UGT8: variants seen among roughly 807,000 people sequenced by gnomAD.
UGT8 encodes the protein UDP glycosyltransferase 8.
A neutral mutation model predicts 40.5 loss-of-function variants in UGT8; 12 were observed. The observed-to-expected ratio is 0.30, with a 90% CI of 0.19 to 0.48. UGT8 has a LOEUF of 0.48. Ranked by LOEUF, UGT8 falls within the 20% of genes least tolerant of loss-of-function variation. The pLI is 0.99. For missense variants in UGT8, 513 were observed against 648.7 expected (o/e 0.79, Z 2.27); for synonymous variants, 224 against 240.4 (o/e 0.93, Z 0.63).
intron 2 of UGT8, 183 bp downstream of exon 2, chr4:114,623,885 G>A (rs1732015662): frequency 2.5e-6 from 1 of 400,432 alleles, no homozygotes; most frequent in African/African-American, 2.2e-5. Flanking sequence ...AAACATTCCT[G>A]CTTTGAATGA....
rs755616034 is a variant in UGT8 at position 114,623,678 on chromosome 4, C to A, written c.798C>A (p.Thr266=). 6 of 1,598,892 alleles carry A rather than the reference C, an allele frequency of 3.8e-6. No individual in the cohort carries two copies. In the Admixed American group the frequency reaches 5.0e-5, roughly 13 times the overall value. ...PNVVYVGGIL[T]KPASPLPEDL... is the part of the protein sequence containing the mutation. ...TTGTTTATGTAGGAGGAATCCTAAC[C>A]AAACCAGCCAGCCCACTACCAGAAG... Residue 266 remains threonine (T), a synonymous_variant, in exon 2 of 6, where the codon ACC becomes ACA. Coordinates refer to ENST00000310836, the MANE Select transcript of UGT8 (RefSeq NM_001128174.3).
intron 2 of UGT8, among the ~76,000 whole-genome samples, chr4:114,644,440 C>A (rs993540255): frequency 6.6e-6 from 1 of 152,056 alleles, no homozygotes; most frequent in Non-Finnish European, 1.5e-5. Flanking sequence ...GGAAGGCTTC[C>A]TGGACCCTTT....
chr4:114,662,089 T>G (rs1269823191), intron 2 of UGT8, among the ~76,000 whole-genome samples: 1 of 152,224 alleles, frequency 6.6e-6, no homozygotes, highest in Non-Finnish European at 1.5e-5. Context: ...ATTGATATAG[T>G]CTCTATTTCT....
At chr4:114,625,799 T>C (rs1578418935) in intron 2 of UGT8, among the ~76,000 whole-genome samples, 1 of 152,150 alleles carries the variant, frequency 6.6e-6, no homozygotes, top group Non-Finnish European at 1.5e-5. Context: ...ATCTTTTTAG[T>C]GGTTTTTGGT....
At chr4:114,611,011 A>AAT (rs1365538655) in intron 1 of UGT8, among the ~76,000 whole-genome samples, 2 of 152,114 alleles carry the variant, frequency 1.3e-5, no homozygotes, top group Non-Finnish European at 1.5e-5. Context: ...CCTACATGTG[A>AAT]ATATGTTTCA....
intron 1 of UGT8, among the ~76,000 whole-genome samples, chr4:114,604,338 T>A (rs1027167662): frequency 2.0e-5 from 3 of 152,180 alleles, no homozygotes; most frequent in African/African-American, 7.2e-5. Flanking sequence ...AAAATGTAAT[T>A]TAATATTTGA....
chr4:114,648,370 GGT>G (rs1491471399), intron 2 of UGT8, among the ~76,000 whole-genome samples: 62 of 84,230 alleles, frequency 7.4e-4, no homozygotes, highest in Middle Eastern at 6.4e-3. Context: ...CAGAAAATCT[GGT>G]TTTTTTTTTT....
intron 2 of UGT8, among the ~76,000 whole-genome samples, chr4:114,624,252 A>G (rs1487922930): frequency 6.6e-6 from 1 of 152,234 alleles, no homozygotes; most frequent in Non-Finnish European, 1.5e-5. Context: ...TAAGGAAAGC[A>G]TGCTCTATTG....
At chr4:114,611,320 A>G (rs957186955) in intron 1 of UGT8, among the ~76,000 whole-genome samples, 1 of 150,482 alleles carries the variant, frequency 6.6e-6, no homozygotes, top group African/African-American at 2.4e-5. Flanking sequence ...ATGCGTGGAG[A>G]TAACTGTACC....
chr4:114,622,863 C>T lies in UGT8; in HGVS notation c.-2-16C>T, dbSNP rs1465516232. The T allele has an allele frequency of 1.9e-6, 3 of 1,579,986 alleles. No individual in the cohort carries two copies. The highest frequency in any genetic ancestry group is 4.5e-5 in the East Asian group (2 of 44,440). The stretch of plus-strand genomic sequence containing the variant: ...ATTGTATTTTGTTTTAAGTTGTTTT[C>T]TGGTTGTTATTACAGCTATGAAGTC... On this transcript the variant is annotated splice_polypyrimidine_tract_variant and intron_variant, in intron 1 of 5. Coordinates refer to ENST00000310836, the MANE Select transcript of UGT8 (RefSeq NM_001128174.3).
At chr4:114,675,278 T>C (rs1735554493) in intron 5 of UGT8, among the ~76,000 whole-genome samples, 1 of 152,196 alleles carries the variant, frequency 6.6e-6, no homozygotes, top group African/African-American at 2.4e-5. Context: ...TGTTGATTTA[T>C]ACTATTTAAA....
At chr4:114,613,960 C>T (rs1312263310) in intron 1 of UGT8, among the ~76,000 whole-genome samples, 1 of 152,160 alleles carries the variant, frequency 6.6e-6, no homozygotes, top group Non-Finnish European at 1.5e-5. Flanking sequence ...ATACTGTGTA[C>T]AAGGTACTGA....
rs754176200 is a variant in UGT8 at position 114,623,435 on chromosome 4, A to G, written c.555A>G (p.Thr185=). ...AYVPEFNSLL[T]DRMNLLQRMK... Reference sequence around the variant, plus strand: ...TCCCAGAGTTTAACTCACTCCTCACAGACCGCATGAACTTGCTGCAAAGGA... The same window carrying G: ...TCCCAGAGTTTAACTCACTCCTCACGGACCGCATGAACTTGCTGCAAAGGA... The change falls in exon 2 of 6, where the codon ACA becomes ACG. Residue 185 remains threonine (T), a synonymous_variant. Transcript: ENST00000310836. 6.2e-7 allele frequency: 1 copy of G among 1,614,226 alleles called. No individual in the cohort carries two copies. The highest frequency in any genetic ancestry group is 1.3e-5 in the African/African-American group (1 of 75,060).
At chr4:114,604,760 G>A (rs769553471) in intron 1 of UGT8, among the ~76,000 whole-genome samples, 5 of 152,030 alleles carry the variant, frequency 3.3e-5, no homozygotes, top group Non-Finnish European at 7.4e-5. Flanking sequence ...ATACATGTTT[G>A]TTGAATAAAA....
At chr4:114,637,171 A>G (rs1052576459) in intron 2 of UGT8, among the ~76,000 whole-genome samples, 7 of 152,150 alleles carry the variant, frequency 4.6e-5, no homozygotes, top group Non-Finnish European at 1.0e-4. Flanking sequence ...GTCCACTCCT[A>G]CGGGCGATTA....
At chr4:114,631,276 G>C (rs2126105470) in intron 2 of UGT8, among the ~76,000 whole-genome samples, 1 of 152,290 alleles carries the variant, frequency 6.6e-6, no homozygotes, top group Non-Finnish European at 1.5e-5. Flanking sequence ...GAGGTCAGGA[G>C]TTCTAGACCA....
At chr4:114,600,117 TAGC>T (rs1730354437) in intron 1 of UGT8, among the ~76,000 whole-genome samples, 1 of 152,134 alleles carries the variant, frequency 6.6e-6, no homozygotes, top group Non-Finnish European at 1.5e-5. Flanking sequence ...TAGGCGTTCT[TAGC>T]AGGAAAATGT....
intron 1 of UGT8, among the ~76,000 whole-genome samples, chr4:114,621,378 T>G (rs1334995552): frequency 1.3e-5 from 2 of 152,230 alleles, no homozygotes; most frequent in African/African-American, 2.4e-5. Flanking sequence ...TGACATAGAT[T>G]ACATAAATAT....
intron 2 of UGT8, among the ~76,000 whole-genome samples, chr4:114,659,921 A>G (rs1327579536): frequency 2.6e-5 from 4 of 152,228 alleles, no homozygotes; most frequent in African/African-American, 9.6e-5. Flanking sequence ...TCAGAAACAG[A>G]CTGTGAGGGT....
Sources: allele counts gnomAD v4.1 joint callset (sites outside exome capture counted in the v4.1 genomes callset), GRCh38; gene constraint gnomAD v4.1.1; transcripts MANE v1.5; gene names NCBI Gene and HGNC (gene_info 2026-07-23, HGNC 2026-07-21).